The following ARMC3 variants were observed in gnomAD, a reference collection of about 807,000 sequenced individuals.
The protein encoded by ARMC3 is armadillo repeat containing 3.
Under a neutral mutation model 90.3 loss-of-function variants are expected in ARMC3, and 74 were observed. The observed-to-expected ratio is 0.82, with a 90% CI of 0.68 to 0.99. The LOEUF is 0.99. ARMC3 is among the 50% of genes least tolerant of loss of function. The probability of loss-of-function intolerance (pLI) is 0.00; values close to 1 mark genes in which losing one functional copy is unlikely to be tolerated. For synonymous variants in ARMC3, 334 were observed against 361.8 expected (o/e 0.92, Z 0.87); for missense variants, 958 against 1,042.8 (o/e 0.92, Z 1.12).
intron 3 of ARMC3, among the ~76,000 whole-genome samples, chr10:22,948,743 C>A (rs1365771373): frequency 1.3e-5 from 2 of 151,766 alleles, no homozygotes; most frequent in East Asian, 1.9e-4. Context: ...GAAAAGGTAA[C>A]CTGGTGGATT....
chr10:22,977,391 C>T (rs1023992937), intron 8 of ARMC3, among the ~76,000 whole-genome samples: 4 of 152,148 alleles, frequency 2.6e-5, no homozygotes, highest in African/African-American at 9.7e-5. Context: ...ACTAAAGTAA[C>T]CCGGCCCTCA....
chr10:23,006,701 G>A, intron 13 of ARMC3, 183 bp from the exon 14 acceptor site: 1 of 565,054 alleles, frequency 1.8e-6, no homozygotes, highest in Non-Finnish European at 3.2e-6. Flanking sequence ...CCTGCCCAAA[G>A]GCAAGAACAT....
intron 2 of ARMC3, 128 bp downstream of exon 2, chr10:22,932,172 G>C: frequency 1.5e-5 from 9 of 599,682 alleles, no homozygotes; most frequent in South Asian, 5.9e-5. Context: ...TCTGACTAAT[G>C]ATAAGATTAG....
intron 4 of ARMC3, among the ~76,000 whole-genome samples, chr10:22,956,446 T>C (rs1834939005): frequency 6.6e-6 from 1 of 152,012 alleles, no homozygotes; most frequent in Non-Finnish European, 1.5e-5. Flanking sequence ...CTACTAAAAA[T>C]ACAAAAAGTA....
At chr10:23,026,372 A>G (rs1838716676) in intron 16 of ARMC3, among the ~76,000 whole-genome samples, 2 of 152,248 alleles carry the variant, frequency 1.3e-5, no homozygotes, top group South Asian at 4.1e-4. Context: ...AGCAGTATAT[A>G]CAAAGAATAA....
At chr10:22,968,689 A>G (rs1835551427) in intron 8 of ARMC3, among the ~76,000 whole-genome samples, 200 bp downstream of exon 8, 1 of 152,166 alleles carries the variant, frequency 6.6e-6, no homozygotes, top group African/African-American at 2.4e-5. Context: ...TTTTGTAGAG[A>G]CAGGGTTTTG....
intron 16 of ARMC3, among the ~76,000 whole-genome samples, chr10:23,022,214 C>G (rs1377773070): frequency 6.6e-6 from 1 of 152,140 alleles, no homozygotes; most frequent in African/African-American, 2.4e-5. Flanking sequence ...TTAATTTTTA[C>G]ATACAATGTG....
chr10:23,018,037 C>T (rs780439250), intron 16 of ARMC3, among the ~76,000 whole-genome samples: 1 of 152,156 alleles, frequency 6.6e-6, no homozygotes, highest in African/African-American at 2.4e-5. Flanking sequence ...GATAAGGCAA[C>T]AATTCTTTTT....
At chr10:22,998,438 T>G (rs1167977912) in intron 11 of ARMC3, 41 bp downstream of exon 11, 1 of 1,604,878 alleles carries the variant, frequency 6.2e-7, no homozygotes, top group South Asian at 1.1e-5. Context: ...TTTTTCTGGT[T>G]AGTACCTACT....
At chr10:23,016,782 T>C (rs1394955253) in intron 16 of ARMC3, among the ~76,000 whole-genome samples, 5 of 152,208 alleles carry the variant, frequency 3.3e-5, no homozygotes, top group Admixed American at 2.0e-4. Flanking sequence ...CCTGGAGGTG[T>C]ATCAGATATT....
chr10:23,009,958 G>A (rs11814683), intron 16 of ARMC3, among the ~76,000 whole-genome samples: 79,083 of 151,914 alleles, frequency 0.52, 22,272 homozygotes, highest in Non-Finnish European at 0.62. Flanking sequence ...CAAGGAGGCT[G>A]GGCCCCAAGT....
chr10:22,962,666 A>G (rs777578629), intron 7 of ARMC3, among the ~76,000 whole-genome samples: 1 of 152,224 alleles, frequency 6.6e-6, no homozygotes, highest in Non-Finnish European at 1.5e-5. Context: ...AGTAAATTCA[A>G]TTAATTCTAA....
At chr10:22,966,901 G>C (rs751556720) in intron 7 of ARMC3, among the ~76,000 whole-genome samples, 22 of 151,674 alleles carry the variant, frequency 1.5e-4, no homozygotes, top group Non-Finnish European at 2.8e-4. Context: ...CCCTTGACAC[G>C]TGGGGATTAT....
intron 7 of ARMC3, among the ~76,000 whole-genome samples, chr10:22,966,697 G>A (rs567341027): frequency 1.3e-5 from 2 of 152,310 alleles, no homozygotes; most frequent in South Asian, 4.1e-4. Context: ...CCTAGTGGAT[G>A]AGGAGGCCTC....
chr10:22,988,661 G>C (rs967812501), intron 10 of ARMC3, among the ~76,000 whole-genome samples: 4 of 152,150 alleles, frequency 2.6e-5, no homozygotes, highest in Non-Finnish European at 5.9e-5. Flanking sequence ...CTTAAAGTTA[G>C]CAAAATACAA....
intron 8 of ARMC3, among the ~76,000 whole-genome samples, chr10:22,977,848 T>C (rs2131325434): frequency 6.6e-6 from 1 of 152,342 alleles, no homozygotes; most frequent in Middle Eastern, 3.4e-3. Context: ...TTATTATGAA[T>C]GAATGCTCTT....
intron 3 of ARMC3, among the ~76,000 whole-genome samples, chr10:22,948,108 A>T (rs968673141): frequency 6.6e-6 from 1 of 152,190 alleles, no homozygotes; most frequent in African/African-American, 2.4e-5. Context: ...AGAACAACAA[A>T]TCATTCAATT....
Position 22,968,460 on chromosome 10 carries a change from C to CAA in ARMC3, c.890_891dup (p.Ala298LysfsTer26). On this transcript the variant is annotated frameshift_variant, in exon 8 of 19. Coordinates refer to ENST00000298032, the MANE Select transcript of ARMC3 (RefSeq NM_173081.5). LOFTEE classifies it high-confidence loss of function. ...ATTCCTGATATTCAGAAGAATGCAG[C>CAA]AAAAGCCATTACTAAAGCAGCTTAT... 3.1e-6 allele frequency: 5 copies of CAA among 1,600,392 alleles called. No individual in the cohort carries two copies. Among genetic ancestry groups the CAA allele is most frequent in the Non-Finnish European group, 4.3e-6 (5 of 1,176,066 alleles).
chr10:23,015,231 G>C (rs1271215207), intron 16 of ARMC3, among the ~76,000 whole-genome samples: 2 of 152,018 alleles, frequency 1.3e-5, no homozygotes, highest in Non-Finnish European at 2.9e-5. Context: ...CTGTCTCCTG[G>C]GTGACCAGGC....
Sources: gnomAD v4.1 joint callset for allele counts (sites outside exome capture counted in the v4.1 genomes callset) on GRCh38, gnomAD v4.1.1 for gene constraint, MANE v1.5 for transcripts, NCBI Gene and HGNC (gene_info 2026-07-23, HGNC 2026-07-21) for gene names.